USP37: variants seen among roughly 807,000 people sequenced by gnomAD.
USP37 encodes ubiquitin specific peptidase 37.
In USP37, 27 loss-of-function variants were observed where a neutral mutation model predicts 124.0. The observed-to-expected ratio is 0.22, with a 90% CI of 0.16 to 0.30. The LOEUF (loss-of-function observed/expected upper bound fraction) is 0.30. Ranked by LOEUF, USP37 falls within the 10% of genes least tolerant of loss-of-function variation. The pLI, the probability that USP37 is intolerant of heterozygous loss-of-function variation, is 1.00. For missense variants in USP37, 889 were observed against 1,140.4 expected (o/e 0.78, Z 3.17); for synonymous variants, 365 against 388.0 (o/e 0.94, Z 0.70).
intron 5 of USP37, among the ~76,000 whole-genome samples, chr2:218,552,386 T>C (rs192088769): frequency 1.3e-5 from 2 of 152,250 alleles, no homozygotes; most frequent in South Asian, 2.1e-4. Flanking sequence ...AATGTGATAG[T>C]AGAGAACTCA....
chr2:218,516,642 G>A (rs535693494), intron 10 of USP37, among the ~76,000 whole-genome samples: 20 of 152,130 alleles, frequency 1.3e-4, no homozygotes, highest in Non-Finnish European at 2.5e-4. Context: ...AACTACCATG[G>A]CACATGTATA....
intron 8 of USP37, among the ~76,000 whole-genome samples, chr2:218,540,801 A>G (rs964074220): frequency 2.6e-5 from 4 of 152,180 alleles, no homozygotes; most frequent in Non-Finnish European, 5.9e-5. Context: ...TGCCTTGACC[A>G]GTATTACTAT....
At chr2:218,484,000 A>C (rs1292534313) in intron 16 of USP37, among the ~76,000 whole-genome samples, 1 of 152,032 alleles carries the variant, frequency 6.6e-6, no homozygotes, top group Non-Finnish European at 1.5e-5. Flanking sequence ...CTCTACCAAA[A>C]ACACAAAAAT....
intron 22 of USP37, among the ~76,000 whole-genome samples, chr2:218,461,774 G>A (rs1474183849): frequency 2.0e-5 from 3 of 151,978 alleles, no homozygotes; most frequent in Non-Finnish European, 2.9e-5. Flanking sequence ...GGGAGGCCGA[G>A]GCGGGTGGGT....
intron 3 of USP37, among the ~76,000 whole-genome samples, chr2:218,559,962 ACT>A (rs1693225364): frequency 6.6e-6 from 1 of 151,804 alleles, no homozygotes; most frequent in East Asian, 1.9e-4. Flanking sequence ...CCTAGGTGAC[ACT>A]CTGAGTGAGA....
At chr2:218,506,245 T>C (rs928589769) in intron 11 of USP37, among the ~76,000 whole-genome samples, 14 of 151,248 alleles carry the variant, frequency 9.3e-5, no homozygotes, top group Admixed American at 8.6e-4. Context: ...AATATGGGTG[T>C]ATTCTTTGCC....
At chr2:218,530,131 T>C (rs1691238422) in intron 9 of USP37, 91 bp from the exon 10 acceptor site, 2 of 882,484 alleles carry the variant, frequency 2.3e-6, no homozygotes, top group Non-Finnish European at 3.4e-6. Context: ...GTCCTGATTA[T>C]ATTTAACTCT....
At chr2:218,539,092 C>T (rs1193791910) in intron 8 of USP37, among the ~76,000 whole-genome samples, 1 of 152,016 alleles carries the variant, frequency 6.6e-6, no homozygotes, top group Non-Finnish European at 1.5e-5. Context: ...CTTAGCCTCC[C>T]AAGTAGCTGG....
At chr2:218,566,585 G>A (rs548287245) in intron 1 of USP37, among the ~76,000 whole-genome samples, 1 of 152,300 alleles carries the variant, frequency 6.6e-6, no homozygotes, top group Admixed American at 6.5e-5. Context: ...GAGTTGATCA[G>A]CTTATAACAA....
At position 218,476,974 on chromosome 2, in the gene USP37, T is replaced by A. The variant is rs746664664; in HGVS notation, c.1909A>T (p.Thr637Ser). The A allele has an allele frequency of 2.0e-6, 3 of 1,491,066 alleles. No individual in the cohort carries two copies. Among genetic ancestry groups the A allele is most frequent in the Admixed American group, 2.5e-5 (1 of 39,942 alleles). 92.4% of individuals were successfully genotyped at this position (1,491,066 alleles called of 1,614,324 possible). A position where few individuals can be genotyped will look rare whatever the true frequency, so the allele number is the denominator to read the frequency against. Residue 637 changes from threonine (T) to serine (S), a missense_variant, in exon 19 of 26, where the codon ACC becomes TCC. Thr to Ser is a moderately conservative substitution (Grantham distance 58). This residue lies in a region of USP37 where 504 missense variants were observed against 714.3 expected (regional missense o/e 0.71). Transcript: ENST00000258399. ...GCCAAGGAGCTCTTGGATTTGAAGG[T>A]GAATTTCCTGTAATTTAAGGAAAAA... Reference protein sequence around the residue: ...TSPSTPSKKFTFKSKSSLALC... With the variant: ...TSPSTPSKKFSFKSKSSLALC...
chr2:218,476,887 G>A lies in USP37; in HGVS notation c.1996C>T (p.Leu666Phe), dbSNP rs527298424. ...TGTTCGTTGCCTAACATTTCACAAA[G>A]TCTCTGGCTGAGGGCCACAGAACGT... ...LKRSVALSQR[L>F]CEMLGNEQQQ... is the part of the protein sequence containing the mutation. The change falls in exon 19 of 26, where the codon CTT (leucine) becomes TTT (phenylalanine). Residue 666 changes from leucine (L) to phenylalanine (F), a missense_variant. Coordinates refer to ENST00000258399, the MANE Select transcript of USP37 (RefSeq NM_020935.3). 14 of 1,609,676 alleles carry A rather than the reference G, an allele frequency of 8.7e-6. No homozygotes were observed. In the African/African-American group the frequency reaches 1.6e-4, roughly 18 times the overall value.
intron 9 of USP37, among the ~76,000 whole-genome samples, chr2:218,532,172 T>A (rs1691364525): frequency 6.6e-6 from 1 of 152,148 alleles, no homozygotes; most frequent in Non-Finnish European, 1.5e-5. Flanking sequence ...CAAATTGTCT[T>A]AAGAAATTGC....
rs554851260 is a variant in USP37 at position 218,530,088 on chromosome 2, T to G, written c.779-48A>C. ...AAAAACTTAATTCCTAAATCAACCATTCAAGTTCATTTAATAATAAAAGTA... is the reference window on the plus strand; with the variant it reads ...AAAAACTTAATTCCTAAATCAACCAGTCAAGTTCATTTAATAATAAAAGTA... On this transcript the variant is annotated intron_variant, in intron 9 of 25. Coordinates refer to ENST00000258399, the MANE Select transcript of USP37 (RefSeq NM_020935.3). The G allele has an allele frequency of 6.4e-6, 9 of 1,413,340 alleles. No homozygotes were observed. The African/African-American group carries it at 7.2e-5, about 11-fold the overall frequency. 87.5% of individuals were successfully genotyped at this position (1,413,340 alleles called of 1,614,324 possible).
intron 9 of USP37, among the ~76,000 whole-genome samples, chr2:218,533,427 A>G (rs1001820385): frequency 6.6e-6 from 1 of 152,184 alleles, no homozygotes; most frequent in African/African-American, 2.4e-5. Context: ...ACTTTAACAC[A>G]TTTAAAACAT....
intron 4 of USP37, 31 bp from the exon 5 acceptor site, chr2:218,553,755 A>G: frequency 6.3e-7 from 1 of 1,579,650 alleles, no homozygotes; most frequent in Non-Finnish European, 8.6e-7. Context: ...ATTATCATCA[A>G]AAATGTATGA....
At chr2:218,533,498 A>G (rs1691452021) in intron 9 of USP37, among the ~76,000 whole-genome samples, 1 of 152,160 alleles carries the variant, frequency 6.6e-6, no homozygotes, top group Non-Finnish European at 1.5e-5. Flanking sequence ...CCTCCACATC[A>G]AATTTTGTGA....
chr2:218,536,694 C>G (rs1691667289), intron 8 of USP37, among the ~76,000 whole-genome samples: 1 of 152,166 alleles, frequency 6.6e-6, no homozygotes. Flanking sequence ...GGAGTACTTC[C>G]TTAGTAATTC....
At chr2:218,479,004 AAATT>A (rs1372042340) in intron 18 of USP37, among the ~76,000 whole-genome samples, 8 of 152,222 alleles carry the variant, frequency 5.3e-5, no homozygotes, top group Non-Finnish European at 8.8e-5. Context: ...ATTTTTAGAA[AAATT>A]AATTAAAAAG....
intron 1 of USP37, among the ~76,000 whole-genome samples, chr2:218,566,574 T>C (rs566024478): frequency 6.6e-5 from 10 of 152,328 alleles, no homozygotes; most frequent in Admixed American, 4.6e-4. Flanking sequence ...AGAAGAGTAT[T>C]GAGTTGATCA....
Sources: allele counts gnomAD v4.1 joint callset (sites outside exome capture counted in the v4.1 genomes callset), GRCh38; gene constraint gnomAD v4.1.1; regional missense constraint gnomAD v4.1.1; transcripts MANE v1.5; gene names NCBI Gene and HGNC (gene_info 2026-07-23, HGNC 2026-07-21).